The following SEZ6L variants were observed in gnomAD, a reference collection of about 807,000 sequenced individuals.
The protein encoded by SEZ6L is seizure related 6 homolog like.
SEZ6L carries 37 observed loss-of-function variants against 106.2 expected under a neutral mutation model. The ratio of observed to expected loss-of-function variants is 0.35; its 90% CI spans 0.27 to 0.46. The LOEUF (loss-of-function observed/expected upper bound fraction) is 0.46. Among genes scored for constraint, SEZ6L ranks in the 20% least tolerant of loss-of-function variants. The probability of loss-of-function intolerance (pLI) is 1.00; values close to 1 mark genes in which losing one functional copy is unlikely to be tolerated. For synonymous variants in SEZ6L, 541 were observed against 570.4 expected, an observed-to-expected ratio of 0.95 and a Z score of 0.73; for missense variants, 1,172 against 1,332.8, an observed-to-expected ratio of 0.88 and a Z score of 1.88.
chr22:26,180,425 C>T (rs935240447), intron 1 of SEZ6L, among the ~76,000 whole-genome samples: 5 of 152,172 alleles, frequency 3.3e-5, no homozygotes, highest in African/African-American at 9.7e-5. Context: ...CTTTTATTAT[C>T]TCTCTATTCT....
intron 9 of SEZ6L, among the ~76,000 whole-genome samples, chr22:26,329,187 G>T (rs1230069054): frequency 6.6e-6 from 1 of 152,180 alleles, no homozygotes. Context: ...AAGGAAACAG[G>T]CTGGGCACGG....
At position 26,381,773 on chromosome 22, in the gene SEZ6L, T is replaced by TTC; in HGVS notation, c.*1479_*1480dup. On this transcript the variant is annotated 3_prime_UTR_variant, in exon 17 of 17. Coordinates refer to ENST00000248933, the MANE Select transcript of SEZ6L (RefSeq NM_021115.5). The stretch of plus-strand genomic sequence containing the variant: ...ATACTATGTGTGAAGCAGATTCACC[T>TTC]TCCTGGGACCGGTGACATGGTGGTG... The TTC allele has an allele frequency of 3.5e-6, 1 of 288,990 alleles. No homozygotes were observed. The highest frequency in any genetic ancestry group is 8.6e-5 in the East Asian group (1 of 11,594). The allele number at this position is 288,990 out of a possible 1,614,324, so 17.9% of individuals were successfully genotyped here.
intron 12 of SEZ6L, among the ~76,000 whole-genome samples, chr22:26,362,271 G>A (rs544426505): frequency 2.0e-5 from 3 of 152,318 alleles, no homozygotes; most frequent in Non-Finnish European, 4.4e-5. Context: ...TCCTGCTCTG[G>A]AATGCCAGGG....
intron 5 of SEZ6L, among the ~76,000 whole-genome samples, chr22:26,304,428 G>GAAAGA (rs1425110378): frequency 7.0e-6 from 1 of 142,220 alleles, no homozygotes; most frequent in Non-Finnish European, 1.5e-5. Context: ...AAGAAAGAAA[G>GAAAGA]AAAAAGAAAG....
intron 10 of SEZ6L, among the ~76,000 whole-genome samples, chr22:26,346,142 C>T (rs1234082274): frequency 2.0e-5 from 3 of 152,112 alleles, no homozygotes; most frequent in Non-Finnish European, 4.4e-5. Flanking sequence ...ATCCTCCCAC[C>T]TCAGCCTCCT....
chr22:26,304,422 AAGAAAG>A (rs1300187539), intron 5 of SEZ6L, among the ~76,000 whole-genome samples: 1 of 150,448 alleles, frequency 6.6e-6, no homozygotes, highest in Non-Finnish European at 1.5e-5. Context: ...GAAAGAAAGA[AAGAAAG>A]AAAAAGAAAG....
intron 1 of SEZ6L, among the ~76,000 whole-genome samples, chr22:26,175,897 C>T (rs1381728918): frequency 6.6e-6 from 1 of 152,190 alleles, no homozygotes; most frequent in Non-Finnish European, 1.5e-5. Context: ...TGGGATGGGA[C>T]AAGAGAGTTA....
chr22:26,362,932 T>C (rs1199042542), intron 12 of SEZ6L, among the ~76,000 whole-genome samples: 1 of 152,250 alleles, frequency 6.6e-6, no homozygotes, highest in East Asian at 1.9e-4. Context: ...GTATGGTGAT[T>C]ACTGTGACTA....
At chr22:26,294,899 TGC>T (rs1271199887) in intron 3 of SEZ6L, among the ~76,000 whole-genome samples, 40 of 145,868 alleles carry the variant, frequency 2.7e-4, no homozygotes, top group African/African-American at 9.1e-4. Context: ...CTTGCTTGCT[TGC>T]TTGCTTCCTG....
intron 1 of SEZ6L, among the ~76,000 whole-genome samples, chr22:26,230,208 A>C (rs527919531): frequency 1.3e-5 from 2 of 152,298 alleles, no homozygotes; most frequent in African/African-American, 4.8e-5. Context: ...ACCCAGAGGC[A>C]GAGCTAGCAG....
intron 1 of SEZ6L, among the ~76,000 whole-genome samples, chr22:26,256,781 G>T (rs996300988): frequency 6.6e-6 from 1 of 152,200 alleles, no homozygotes; most frequent in African/African-American, 2.4e-5. Context: ...TGGGGGTAGG[G>T]CCTGGCATCT....
chr22:26,228,790 G>A (rs1160697183), intron 1 of SEZ6L, among the ~76,000 whole-genome samples: 2 of 152,120 alleles, frequency 1.3e-5, no homozygotes, highest in Non-Finnish European at 2.9e-5. Context: ...AAACTTCCAC[G>A]AGGTCCCACG....
chr22:26,177,344 A>G (rs376779658), intron 1 of SEZ6L, among the ~76,000 whole-genome samples: 1 of 152,258 alleles, frequency 6.6e-6, no homozygotes, highest in East Asian at 1.9e-4. Flanking sequence ...AGAGAAATAC[A>G]CTTTGTAAAG....
chr22:26,292,652 C>G lies in SEZ6L; in HGVS notation c.341C>G (p.Pro114Arg). The G allele has an allele frequency of 6.2e-7, 1 of 1,613,310 alleles. No individual in the cohort carries two copies. The highest frequency in any genetic ancestry group is 8.5e-7 in the Non-Finnish European group (1 of 1,179,844). ...PEEARPKHAL[P>R]PKKKLPSLKQ... ...GAGGCCCGCCCCAAGCACGCCTTGC[C>G]CCCCAAGAAGAAACTGCCTTCGCTC... Residue 114 changes from proline to arginine, a missense_variant, in exon 2 of 17, where the codon CCC (proline) becomes CGC (arginine). By Grantham distance (103) the Pro-to-Arg change is moderately radical. Around this residue, in one of 4 missense-constraint regions of SEZ6L, gnomAD observed 494 missense variants for 445.8 expected, o/e 1.11. Transcript: ENST00000248933.
intron 1 of SEZ6L, among the ~76,000 whole-genome samples, chr22:26,181,492 T>C (rs1484776502): frequency 6.6e-6 from 1 of 152,248 alleles, no homozygotes; most frequent in East Asian, 1.9e-4. Flanking sequence ...AAAAATGATA[T>C]GCCAGGTTAA....
intron 9 of SEZ6L, among the ~76,000 whole-genome samples, chr22:26,314,569 G>A (rs592861): frequency 0.19 from 28,392 of 151,972 alleles, 3,246 homozygotes; most frequent in Non-Finnish European, 0.26. Flanking sequence ...CTGATACACA[G>A]TAGATGCTCA....
intron 1 of SEZ6L, among the ~76,000 whole-genome samples, chr22:26,212,547 T>A (rs1371398890): frequency 6.6e-6 from 1 of 152,100 alleles, no homozygotes; most frequent in Non-Finnish European, 1.5e-5. Flanking sequence ...CTCAGCCTCC[T>A]GAGTAGCTGG....
chr22:26,340,388 T>A, intron 9 of SEZ6L, 48 bp from the exon 10 acceptor site: 1 of 1,525,032 alleles, frequency 6.6e-7, no homozygotes, highest in South Asian at 1.2e-5. Flanking sequence ...GTTTATTGAA[T>A]GCCCATTCTC....
intron 9 of SEZ6L, among the ~76,000 whole-genome samples, chr22:26,328,675 G>A (rs1230312091): frequency 2.0e-5 from 3 of 152,216 alleles, no homozygotes; most frequent in Non-Finnish European, 4.4e-5. Context: ...TGCTTGAGCT[G>A]CCCGTGGGGC....
Sources: allele counts gnomAD v4.1 joint callset (sites outside exome capture counted in the v4.1 genomes callset), GRCh38; gene constraint gnomAD v4.1.1; regional missense constraint gnomAD v4.1.1; transcripts MANE v1.5; gene names NCBI Gene and HGNC (gene_info 2026-07-23, HGNC 2026-07-21).